GRB10: variants seen among roughly 807,000 people sequenced by gnomAD.
The protein encoded by GRB10 is growth factor receptor-bound protein 10.
A neutral mutation model predicts 80.9 loss-of-function variants in GRB10; 20 were observed. The ratio of observed to expected loss-of-function variants is 0.25; its 90% CI spans 0.17 to 0.36. The LOEUF (loss-of-function observed/expected upper bound fraction) is 0.36. Ranked by LOEUF, GRB10 falls within the 10% of genes least tolerant of loss-of-function variation. GRB10 has a pLI of 1.00. For missense variants in GRB10, 548 were observed against 747.7 expected, an observed-to-expected ratio of 0.73 and a Z score of 3.12; for synonymous variants, 291 against 291.5, an observed-to-expected ratio of 1.00 and a Z score of 0.02.
At chr7:50,679,430 T>C (rs972954542) in intron 5 of GRB10, among the ~76,000 whole-genome samples, 1 of 152,190 alleles carries the variant, frequency 6.6e-6, no homozygotes, top group Non-Finnish European at 1.5e-5. Flanking sequence ...CACCAATACA[T>C]TTCTTAGTTT....
At chr7:50,764,931 A>G (rs944604063) in intron 2 of GRB10, among the ~76,000 whole-genome samples, 2 of 152,258 alleles carry the variant, frequency 1.3e-5, no homozygotes, top group Non-Finnish European at 2.9e-5. Flanking sequence ...ATCTGACAAG[A>G]GATTAATAAC....
At chr7:50,695,249 G>A (rs2153661683) in intron 5 of GRB10, among the ~76,000 whole-genome samples, 1 of 152,186 alleles carries the variant, frequency 6.6e-6, no homozygotes, top group Admixed American at 6.5e-5. Flanking sequence ...TCCAACTAGT[G>A]GTGCCACAAA....
chr7:50,702,124 G>A (rs577119139), intron 5 of GRB10, among the ~76,000 whole-genome samples: 15 of 152,318 alleles, frequency 9.8e-5, no homozygotes, highest in African/African-American at 2.4e-4. Flanking sequence ...TGCAGTCTGC[G>A]TCACTGCACT....
intron 3 of GRB10, among the ~76,000 whole-genome samples, chr7:50,743,726 A>G (rs2072325510): frequency 6.6e-6 from 1 of 152,242 alleles, no homozygotes; most frequent in Admixed American, 6.5e-5. Context: ...GGCCGACACC[A>G]GAAACTAATT....
rs555106191 is a variant in GRB10 at position 50,750,460 on chromosome 7, C to T, written c.-47+5427G>A. 1.2e-4 allele frequency among the ~76,000 whole-genome samples: 19 copies of T among 152,292 alleles called. No homozygotes were observed. The South Asian group carries it at 3.1e-3, about 25-fold the overall frequency. ...CAGGTGCGCACGCGGAGATATCCAA[C>T]GGTTGCCATTCACCCTCCATTTCAG... On this transcript the variant is annotated intron_variant, in intron 3 of 18. Transcript: ENST00000401949.
In GRB10 at chr7:50,734,468, G is replaced by A. The variant is rs555151555; in HGVS notation, c.-46-2100C>T. ...CCACCAGGCTGCCCACACCCCCCAC[G>A]CACGCCGCACGCCTCCCTGCTGTGG... is the stretch of plus-strand genomic sequence containing the variant. On this transcript the variant is annotated intron_variant, in intron 3 of 18. Coordinates refer to ENST00000401949, the MANE Select transcript of GRB10 (RefSeq NM_001350814.2). 2.9e-4 allele frequency among the ~76,000 whole-genome samples: 43 copies of A among 147,976 alleles called. 1 individual carries two copies. The East Asian group carries it at 6.0e-3, about 21-fold the overall frequency.
intron 8 of GRB10, among the ~76,000 whole-genome samples, chr7:50,619,829 C>G (rs1426120273): frequency 4.6e-5 from 7 of 152,142 alleles, no homozygotes; most frequent in Non-Finnish European, 7.3e-5. Context: ...ACACTGAAGC[C>G]CGCACGCACA....
At chr7:50,770,591 C>T (rs1464298545) in intron 2 of GRB10, among the ~76,000 whole-genome samples, 2 of 152,158 alleles carry the variant, frequency 1.3e-5, no homozygotes, top group Admixed American at 6.5e-5. Flanking sequence ...TAGTAAGATA[C>T]GATGTGTCCT....
rs190417863 is a variant in GRB10 at position 50,678,631 on chromosome 7, T to C, written c.140-3973A>G. ...TCTTCCAAACAGGGGTTTTAAAGGT[T>C]TGATTCAAAAGAAGACAATTTTTCA... is the stretch of plus-strand genomic sequence containing the variant. On this transcript the variant is annotated intron_variant, in intron 5 of 18. Transcript: ENST00000401949. Among the ~76,000 whole-genome samples the C allele has an allele frequency of 7.8e-4, 119 of 152,356 alleles. 1 individual carries two copies. Among genetic ancestry groups the C allele is most frequent in the African/African-American group, 2.7e-3 (111 of 41,582 alleles).
intron 17 of GRB10, among the ~76,000 whole-genome samples, chr7:50,603,474 C>CCACGGCAACAGCT (rs1462558422): frequency 2.6e-5 from 4 of 152,176 alleles, no homozygotes; most frequent in African/African-American, 9.7e-5. Context: ...TCACTAATTG[C>CCACGGCAACAGCT]CACGGCAACA....
intron 5 of GRB10, among the ~76,000 whole-genome samples, chr7:50,685,304 G>A (rs1221552910): frequency 1.3e-5 from 2 of 152,168 alleles, no homozygotes; most frequent in Non-Finnish European, 1.5e-5. Context: ...GGATTTACAA[G>A]GCTAAATATA....
At chr7:50,763,021 G>A (rs1186927645) in intron 2 of GRB10, among the ~76,000 whole-genome samples, 2 of 152,106 alleles carry the variant, frequency 1.3e-5, no homozygotes, top group African/African-American at 4.8e-5. Context: ...AGGAGGCTGA[G>A]GCAGGAGAAT....
At chr7:50,597,639 T>C (rs6966169) in intron 17 of GRB10, among the ~76,000 whole-genome samples, 8,298 of 152,292 alleles carry the variant, frequency 0.054, 699 homozygotes, top group African/African-American at 0.18. Flanking sequence ...GAGAGGGACG[T>C]GTACCCCTGA....
chr7:50,742,134 G>C (rs1014002543), intron 3 of GRB10, among the ~76,000 whole-genome samples: 1 of 152,138 alleles, frequency 6.6e-6, no homozygotes, highest in African/African-American at 2.4e-5. Flanking sequence ...GAATGGACTT[G>C]GATGGAAGAA....
intron 7 of GRB10, among the ~76,000 whole-genome samples, chr7:50,658,942 G>A (rs1278075273): frequency 6.6e-6 from 1 of 152,230 alleles, no homozygotes; most frequent in Non-Finnish European, 1.5e-5. Flanking sequence ...GCGGTCCCTA[G>A]AGAGCTGTGA....
chr7:50,631,699 T>C (rs141066502), intron 7 of GRB10, among the ~76,000 whole-genome samples: 2 of 152,274 alleles, frequency 1.3e-5, no homozygotes, highest in Non-Finnish European at 2.9e-5. Context: ...TGAAATCCTG[T>C]TCTGGGTGAC....
At chr7:50,752,361 T>C (rs923989981) in intron 3 of GRB10, among the ~76,000 whole-genome samples, 20 of 152,322 alleles carry the variant, frequency 1.3e-4, no homozygotes, top group African/African-American at 4.3e-4. Context: ...TTCTCTTTCC[T>C]ACGGGAAAGG....
intron 2 of GRB10, among the ~76,000 whole-genome samples, chr7:50,771,638 C>T (rs2076990613): frequency 6.6e-6 from 1 of 152,168 alleles, no homozygotes; most frequent in Non-Finnish European, 1.5e-5. Context: ...GCCCAAGATT[C>T]GTGCTACTCT....
chr7:50,750,723 A>G (rs1395005515), intron 3 of GRB10, among the ~76,000 whole-genome samples: 2 of 152,248 alleles, frequency 1.3e-5, no homozygotes, highest in East Asian at 3.8e-4. Flanking sequence ...ACATCACAAA[A>G]GACAAGCAAG....
Sources: allele counts gnomAD v4.1 joint callset (sites outside exome capture counted in the v4.1 genomes callset), GRCh38; gene constraint gnomAD v4.1.1; transcripts MANE v1.5; gene names NCBI Gene and HGNC (gene_info 2026-07-23, HGNC 2026-07-21).